OAS3: variants seen among roughly 807,000 people sequenced by gnomAD.
The protein encoded by OAS3 is 2'-5'-oligoadenylate synthase 3.
In OAS3, 107 loss-of-function variants were observed where a neutral mutation model predicts 113.0. That is an observed-to-expected ratio of 0.95 (90% CI 0.81 to 1.11). The LOEUF is 1.11. OAS3 is among the 50% of genes most tolerant of loss of function. The pLI is 0.00. For missense variants in OAS3, 1,258 were observed against 1,389.1 expected (o/e 0.91, Z 1.50); for synonymous variants, 552 against 573.6 (o/e 0.96, Z 0.54).
At chr12:112,952,874 T>C (rs7970893) in intron 7 of OAS3, among the ~76,000 whole-genome samples, 89,488 of 152,020 alleles carry the variant, frequency 0.59, 26,971 homozygotes, top group East Asian at 0.9. Flanking sequence ...CATGCATGAA[T>C]TTTGTTTGTT....
At position 112,946,771 on chromosome 12, in the gene OAS3, C is replaced by T. The variant is rs192393759; in HGVS notation, c.665C>T (p.Thr222Met). 1.7e-5 allele frequency: 28 copies of T among 1,611,752 alleles called. No homozygotes were observed. The highest frequency in any genetic ancestry group is 1.0e-4 in the South Asian group (9 of 90,406). ...TGCCTACAGGGGTTGTGGAAGGAGA[C>T]GCTGCCCCCGGTCTATGCCCTGGAA... ...QVCLQGLWKE[T>M]LPPVYALELL... is the part of the protein sequence containing the mutation. Residue 222 changes from threonine to methionine, a missense_variant, in exon 4 of 16, where the codon ACG becomes ATG. Thr to Met is a moderately conservative substitution (Grantham distance 81). Coordinates refer to ENST00000228928, the MANE Select transcript of OAS3 (RefSeq NM_006187.4).
rs1565983124 is a variant in OAS3 at position 112,968,059 on chromosome 12, A to C, written c.2989A>C (p.Thr997Pro). 1.9e-6 allele frequency: 3 copies of C among 1,614,024 alleles called. No individual in the cohort carries two copies. In the Middle Eastern group the frequency reaches 4.9e-4, roughly 266 times the overall value. ...GTTCAACATGGCTGAGGGCTTCCGC[A>C]CGGTCCTGGAGCTGGTCACCCAGTA... ...SQFNMAEGFR[T>P]VLELVTQYRQ... The change falls in exon 14 of 16, where the codon ACG (threonine) becomes CCG (proline). Residue 997 changes from threonine to proline, a missense_variant. Coordinates refer to ENST00000228928, the MANE Select transcript of OAS3 (RefSeq NM_006187.4).
rs2043927503 is a variant in OAS3 at position 112,965,803 on chromosome 12, G to A, written c.2463G>A (p.Val821=). The change falls in exon 12 of 16, where the codon GTG becomes GTA. Residue 821 remains valine, a synonymous_variant. Coordinates refer to ENST00000228928, the MANE Select transcript of OAS3 (RefSeq NM_006187.4). ...GCCGCTCAGATGCCGACCTCGTGGTGTTCCTCAGCTGCTTCAGCCAGTTCA... is the reference window on the plus strand; with the variant it reads ...GCCGCTCAGATGCCGACCTCGTGGTATTCCTCAGCTGCTTCAGCCAGTTCA... ...LRGRSDADLV[V]FLSCFSQFTE... 5 of 1,613,768 alleles carry A rather than the reference G, an allele frequency of 3.1e-6. No homozygotes were observed. Among genetic ancestry groups the A allele is most frequent in the Non-Finnish European group, 4.2e-6 (5 of 1,179,880 alleles).
At chr12:112,945,035 G>A (rs761601829) in intron 3 of OAS3, 6 of 303,826 alleles carry the variant, frequency 2.0e-5, no homozygotes, top group Non-Finnish European at 3.2e-5. Context: ...TATCCTGCCA[G>A]GTGCAGTGGC....
rs188657136 is a variant in OAS3, at chr12:112,953,104, A to C, written c.1657+2129A>C. Among the ~76,000 whole-genome samples, 79 of 152,176 alleles carry C rather than the reference A, an allele frequency of 5.2e-4. 1 individual carries two copies. Among genetic ancestry groups the C allele is most frequent in the Admixed American group, 3.4e-3 (52 of 15,286 alleles). ...CTGCACCCATTAACTCGTCATTTAC[A>C]TTAGGTATATCTTCTAATGCTATCC... On this transcript the variant is annotated intron_variant, in intron 7 of 15. Coordinates refer to ENST00000228928, the MANE Select transcript of OAS3 (RefSeq NM_006187.4).
intron 7 of OAS3, among the ~76,000 whole-genome samples, chr12:112,960,807 A>T (rs192788250): frequency 4.0e-4 from 61 of 152,268 alleles, no homozygotes; most frequent in African/African-American, 1.4e-3. Context: ...TTCAGGGAAA[A>T]TTTAAAAAAC....
At chr12:112,967,868 C>G in intron 13 of OAS3, 68 bp from the exon 14 acceptor site, 1 of 1,525,416 alleles carries the variant, frequency 6.6e-7, no homozygotes, top group Non-Finnish European at 8.8e-7. Context: ...TTGCCAAGTC[C>G]AGAATAATCC....
chr12:112,961,143 G>C lies in OAS3; in HGVS notation c.1730G>C (p.Gly577Ala). The change falls in exon 8 of 16, where the codon GGC becomes GCC. Residue 577 changes from glycine to alanine, a missense_variant. Physicochemically the swap from Gly to Ala is moderately conservative, Grantham distance 60. Transcript: ENST00000228928. ...SRLLTSGCQE[G>A]EHKACFAELR... The stretch of plus-strand genomic sequence containing the variant: ...CTCCTCACCAGTGGCTGCCAGGAGG[G>C]CGAGCATAAGGCCTGCTTCGCAGAG... 1.2e-6 allele frequency: 2 copies of C among 1,613,978 alleles called. No homozygotes were observed. Among genetic ancestry groups the C allele is most frequent in the Non-Finnish European group, 1.7e-6 (2 of 1,179,890 alleles).
rs1346956065 is a variant in OAS3 at position 112,946,946 on chromosome 12, T to C, written c.840T>C (p.Val280=). The C allele has an allele frequency of 6.2e-7, 1 of 1,614,062 alleles. No individual in the cohort carries two copies. The highest frequency in any genetic ancestry group is 2.2e-5 in the East Asian group (1 of 44,884). The change falls in exon 4 of 16, where the codon GTT becomes GTC. Residue 280 remains valine, a synonymous_variant. Coordinates refer to ENST00000228928, the MANE Select transcript of OAS3 (RefSeq NM_006187.4). ...ACTATGGCTTCGAGGACCCTGCAGT[T>C]GGGCAGTTCTTGCAGCGGCAGCTTA... is the stretch of plus-strand genomic sequence containing the variant. ...TVNYGFEDPA[V]GQFLQRQLKR...
At chr12:112,964,492 C>A in intron 11 of OAS3, 84 bp downstream of exon 11, 2 of 1,416,686 alleles carry the variant, frequency 1.4e-6, no homozygotes, top group African/African-American at 1.4e-5. Flanking sequence ...GACCCACTTC[C>A]GCCCTCGTAG....
intron 7 of OAS3, among the ~76,000 whole-genome samples, chr12:112,952,286 A>G (rs1039530194): frequency 1.9e-4 from 29 of 152,170 alleles, no homozygotes; most frequent in Admixed American, 1.3e-3. Context: ...CATTTCTGAA[A>G]GTTATCTTTG....
At chr12:112,953,094 C>T (rs1038249792) in intron 7 of OAS3, among the ~76,000 whole-genome samples, 3 of 152,024 alleles carry the variant, frequency 2.0e-5, no homozygotes, top group Non-Finnish European at 2.9e-5. Context: ...CCCATTAACT[C>T]GTCATTTACA....
rs35508906 is a variant in OAS3, at chr12:112,961,163, G to A, written c.1750G>A (p.Ala584Thr). The A allele has an allele frequency of 2.2e-4, 361 of 1,613,340 alleles. No individual in the cohort carries two copies. In the East Asian group the frequency reaches 2.8e-3, roughly 13 times the overall value. The change falls in exon 8 of 16, where the codon GCA becomes ACA. Residue 584 changes from alanine to threonine, a missense_variant. Coordinates refer to ENST00000228928, the MANE Select transcript of OAS3 (RefSeq NM_006187.4). ...CQEGEHKACF[A>T]ELRRNFMNIR... ...GGAGGGCGAGCATAAGGCCTGCTTC[G>A]CAGAGCTGCGGAGGAACTTCATGAA...
Position 112,970,309 on chromosome 12 carries a change from G to C in OAS3, c.*336G>C. Reference sequence around the variant, plus strand: ...CAGCTGAGAATGCCCCCTCCTCCCTGACTCCTCTCTGCCCATGCAAATTAG... The same window carrying C: ...CAGCTGAGAATGCCCCCTCCTCCCTCACTCCTCTCTGCCCATGCAAATTAG... On this transcript the variant is annotated 3_prime_UTR_variant, in exon 16 of 16. Coordinates refer to ENST00000228928, the MANE Select transcript of OAS3 (RefSeq NM_006187.4). 1 of 401,850 alleles carries C rather than the reference G, an allele frequency of 2.5e-6. No homozygotes were observed. Among genetic ancestry groups the C allele is most frequent in the Non-Finnish European group, 4.6e-6 (1 of 219,592 alleles). The allele number at this position is 401,850 out of a possible 1,614,324, so 24.9% of individuals were successfully genotyped here. A position where few individuals can be genotyped will look rare whatever the true frequency, so the allele number is the denominator to read the frequency against.
Position 112,969,606 on chromosome 12 carries a change from A to T in OAS3, c.3105-2A>T. On this transcript the variant is annotated splice_acceptor_variant, in intron 14 of 15. Transcript: ENST00000228928. LOFTEE classifies it high-confidence loss of function. ...AAGACTGTCCCTGGGTGGGAATTGCAGGCCTATCATCCTGGATCCGGCTGA... is the reference window on the plus strand; with the variant it reads ...AAGACTGTCCCTGGGTGGGAATTGCTGGCCTATCATCCTGGATCCGGCTGA... The T allele has an allele frequency of 6.3e-7, 1 of 1,595,852 alleles. No individual in the cohort carries two copies. Among genetic ancestry groups the T allele is most frequent in the African/African-American group, 1.3e-5 (1 of 74,734 alleles).
intron 1 of OAS3, 132 bp downstream of exon 1, chr12:112,938,839 C>A: frequency 1.3e-6 from 1 of 759,644 alleles, no homozygotes; most frequent in Non-Finnish European, 2.0e-6. Flanking sequence ...ACAAATACTT[C>A]CAATGTGCCA....
Position 112,944,510 on chromosome 12 carries a change from A to G in OAS3, c.495A>G (p.Gln165=), listed in dbSNP as rs754591257. The G allele has an allele frequency of 1.7e-5, 27 of 1,613,898 alleles. No individual in the cohort carries two copies. In the African/African-American group the frequency reaches 3.2e-4, roughly 19 times the overall value. ...QAGSGVKPKP[Q]VYSTLLNSGC... ...GCTCCGGCGTCAAACCCAAGCCACAAGTCTACTCTACCCTCCTCAACAGTG... is the reference window on the plus strand; with the variant it reads ...GCTCCGGCGTCAAACCCAAGCCACAGGTCTACTCTACCCTCCTCAACAGTG... The change falls in exon 3 of 16, where the codon CAA becomes CAG. Residue 165 remains glutamine, a synonymous_variant. Transcript: ENST00000228928.
chr12:112,948,332 GTC>G (rs1340077825), intron 5 of OAS3, among the ~76,000 whole-genome samples: 5 of 151,992 alleles, frequency 3.3e-5, no homozygotes, highest in Non-Finnish European at 7.4e-5. Flanking sequence ...GTGAAACCTT[GTC>G]TCTACTAAAA....
chr12:112,970,376 T>C lies in OAS3; in HGVS notation c.*403T>C, dbSNP rs568075990. The stretch of plus-strand genomic sequence containing the variant: ...TGCTGCAATCCATCCCTTCCTCCCA[T>C]TGGCCTCTCCTTGCCAAATCTAAAT... On this transcript the variant is annotated 3_prime_UTR_variant, in exon 16 of 16. Transcript: ENST00000228928. 8 of 265,504 alleles carry C rather than the reference T, an allele frequency of 3.0e-5. No individual in the cohort carries two copies. The highest frequency in any genetic ancestry group is 8.7e-5 in the African/African-American group (4 of 45,726). 16.4% of individuals were successfully genotyped at this position (265,504 alleles called of 1,614,324 possible).
Sources: gnomAD v4.1 joint callset for allele counts (sites outside exome capture counted in the v4.1 genomes callset) on GRCh38, gnomAD v4.1.1 for gene constraint, MANE v1.5 for transcripts, NCBI Gene and HGNC (gene_info 2026-07-23, HGNC 2026-07-21) for gene names.